The following PITPNM1 variants were observed in gnomAD, a reference collection of about 807,000 sequenced individuals.
PITPNM1 encodes the protein phosphatidylinositol transfer protein membrane associated 1.
In PITPNM1, 74 loss-of-function variants were observed where a neutral mutation model predicts 133.3. That is an observed-to-expected ratio of 0.56 (90% confidence interval 0.46 to 0.67). PITPNM1 has a LOEUF of 0.67. Ranked by LOEUF, PITPNM1 falls within the 30% of genes least tolerant of loss-of-function variation. The pLI, the probability that PITPNM1 is intolerant of heterozygous loss-of-function variation, is 0.00. For synonymous variants in PITPNM1, 738 were observed against 741.4 expected (o/e 1.00, Z 0.08); for missense variants, 1,398 against 1,739.5 (o/e 0.80, Z 3.49).
chr11:67,498,347 G>A lies in PITPNM1; in HGVS notation c.1485-25C>T. 1 of 1,522,988 alleles carries A rather than the reference G, an allele frequency of 6.6e-7. No individual in the cohort carries two copies. 94.3% of individuals were successfully genotyped at this position (1,522,988 alleles called of 1,614,324 possible). On this transcript the variant is annotated intron_variant, in intron 10 of 23. Coordinates refer to ENST00000356404, the MANE Select transcript of PITPNM1 (RefSeq NM_004910.3). The surrounding 1 kb of genome is among the most constrained non-coding windows in gnomAD (Gnocchi z 5.7). ...GCTGTAGGAGGGGGAAATGTGCGTG[G>A]GTGAGGGGCTTCCAGACCCACTCCT... is the stretch of plus-strand genomic sequence containing the variant.
At chr11:67,494,669 C>T (rs1423611021) in intron 18 of PITPNM1, among the ~76,000 whole-genome samples, 177 bp downstream of exon 18, 2 of 149,964 alleles carry the variant, frequency 1.3e-5, no homozygotes, top group Non-Finnish European at 1.5e-5. Flanking sequence ...CAGCGGTTCC[C>T]AGGGGCGGGG....
At chr11:67,500,505 A>G in intron 5 of PITPNM1, 84 bp from the exon 6 acceptor site, 1 of 1,393,528 alleles carries the variant, frequency 7.2e-7, no homozygotes, top group Non-Finnish European at 9.9e-7. Flanking sequence ...AGGTTGGATA[A>G]TGGCTCCCCT....
Position 67,498,070 on chromosome 11 carries a change from C to T in PITPNM1, c.1675-46G>A. 6.2e-7 allele frequency: 1 copy of T among 1,607,950 alleles called. No homozygotes were observed. Among genetic ancestry groups the T allele is most frequent in the Non-Finnish European group, 8.5e-7 (1 of 1,178,290 alleles). ...CATCAGGAGAGGCCTTGTCCTCACC[C>T]AGGCCAGACTACAGTGGGGGCTGCA... On this transcript the variant is annotated intron_variant, in intron 11 of 23. Transcript: ENST00000356404. The surrounding 1 kb of genome is among the most constrained non-coding windows in gnomAD (Gnocchi z 5.7).
chr11:67,495,307 C>A, intron 16 of PITPNM1, 82 bp from the exon 17 acceptor site: 13 of 1,486,292 alleles, frequency 8.7e-6, no homozygotes, highest in Non-Finnish European at 1.2e-5. Flanking sequence ...TCCCTCCCCC[C>A]TTTTCACCCA....
chr11:67,494,340 C>A lies in PITPNM1; in HGVS notation c.2763G>T (p.Arg921=), dbSNP rs1866035632. ...VKIRNVTSNH[R]ASDTVVCEGR... is the part of the protein sequence containing the mutation. ...CCTCGCACACCACCGTGTCGCTCGCCCGGTGGTTGGAAGTGACGTTCTAGA... is the reference window on the plus strand; with the variant it reads ...CCTCGCACACCACCGTGTCGCTCGCACGGTGGTTGGAAGTGACGTTCTAGA... The change falls in exon 19 of 24, where the codon CGG becomes CGT. Residue 921 remains arginine (R), a synonymous_variant. Coordinates refer to ENST00000356404, the MANE Select transcript of PITPNM1 (RefSeq NM_004910.3). 1.2e-6 allele frequency: 2 copies of A among 1,607,532 alleles called. No homozygotes were observed. The highest frequency in any genetic ancestry group is 1.7e-6 in the Non-Finnish European group (2 of 1,177,324).
At chr11:67,495,683 C>A in intron 15 of PITPNM1, 81 bp from the exon 16 acceptor site, 3 of 1,347,032 alleles carry the variant, frequency 2.2e-6, no homozygotes, top group Non-Finnish European at 3.0e-6. Flanking sequence ...CGCACCTCTG[C>A]CATCTTCCTG....
Position 67,493,551 on chromosome 11 carries a change from G to A in PITPNM1, c.3201C>T (p.Gly1067=). The A allele has an allele frequency of 6.4e-7, 1 of 1,568,944 alleles. No individual in the cohort carries two copies. The highest frequency in any genetic ancestry group is 8.6e-7 in the Non-Finnish European group (1 of 1,156,808). Residue 1067 remains glycine (G), a synonymous_variant, in exon 22 of 24, where the codon GGC becomes GGT. Transcript: ENST00000356404. ...DSGYLIVYVT[G]RPDMQKHRVV... is the part of the protein sequence containing the mutation. Reference sequence around the variant, plus strand: ...CGCGGTGCTTCTGCATATCCGGCCGGCCTGTGACATACACGATCAGGTAGC... The same window carrying A: ...CGCGGTGCTTCTGCATATCCGGCCGACCTGTGACATACACGATCAGGTAGC...
chr11:67,493,786 C>G lies in PITPNM1; in HGVS notation c.3060G>C (p.Thr1020=). The change falls in exon 21 of 24, where the codon ACG becomes ACC. Residue 1020 remains threonine (T), a synonymous_variant. Coordinates refer to ENST00000356404, the MANE Select transcript of PITPNM1 (RefSeq NM_004910.3). The part of the protein sequence containing the change: ...ECCLTVVARG[T]EAVVFSIDGS... Reference sequence around the variant, plus strand: ...CGTCGATGCTGAAGACCACAGCCTCCGTGCCGCGGGCCACCACAGTCAGGC... The same window carrying G: ...CGTCGATGCTGAAGACCACAGCCTCGGTGCCGCGGGCCACCACAGTCAGGC... The G allele has an allele frequency of 6.5e-7, 1 of 1,549,884 alleles. No homozygotes were observed. The highest frequency in any genetic ancestry group is 8.7e-7 in the Non-Finnish European group (1 of 1,147,782).
intron 5 of PITPNM1, 53 bp downstream of exon 5, chr11:67,501,809 A>G (rs1866328472): frequency 4.7e-6 from 7 of 1,480,756 alleles, no homozygotes; most frequent in Admixed American, 3.5e-5. Context: ...GGCCCTAAAC[A>G]TGGGGTCTGG....
At position 67,497,295 on chromosome 11, in the gene PITPNM1, G is replaced by A. The variant is rs376676460; in HGVS notation, c.2082C>T (p.Phe694=). ...ARLDFKVSGF[F]LFGSPLGLVL... is the part of the protein sequence containing the mutation. ...CCAGGCCCAGTGGGGAGCCGAAGAG[G>A]AAGAAGCCAGAGACCTTGAAGTCAA... Residue 694 remains phenylalanine, a synonymous_variant, in exon 14 of 24, where the codon TTC becomes TTT. Transcript: ENST00000356404. 9 of 1,612,622 alleles carry A rather than the reference G, an allele frequency of 5.6e-6. No individual in the cohort carries two copies. The highest frequency in any genetic ancestry group is 5.9e-6 in the Non-Finnish European group (7 of 1,179,676).
intron 5 of PITPNM1, 35 bp downstream of exon 5, chr11:67,501,827 T>G: frequency 6.3e-7 from 1 of 1,579,600 alleles, no homozygotes; most frequent in Non-Finnish European, 8.7e-7. Context: ...TGGGGCATGC[T>G]GGGTAAGTGG....
At chr11:67,499,441 C>T (rs944276287) in intron 8 of PITPNM1, among the ~76,000 whole-genome samples, 14 of 151,342 alleles carry the variant, frequency 9.3e-5, no homozygotes, top group Admixed American at 1.3e-4. Flanking sequence ...TGGCCCAAGT[C>T]CTCCAAAGCC....
intron 12 of PITPNM1, 61 bp downstream of exon 12, chr11:67,497,856 G>A: frequency 1.3e-6 from 2 of 1,532,100 alleles, no homozygotes; most frequent in South Asian, 2.3e-5. Flanking sequence ...CCAGGGGGCA[G>A]AGACCTAGAG....
chr11:67,496,606 T>A, intron 14 of PITPNM1: 1 of 478,122 alleles, frequency 2.1e-6, no homozygotes, highest in Non-Finnish European at 3.6e-6. Context: ...TCGAGACCAG[T>A]CTGGCCAACA....
chr11:67,494,162 C>T, intron 19 of PITPNM1, 82 bp downstream of exon 19: 4 of 1,573,204 alleles, frequency 2.5e-6, no homozygotes. Flanking sequence ...GGTCTAGGGG[C>T]ACAACCACCA....
Position 67,498,547 on chromosome 11 carries a change from C to A in PITPNM1, c.1484+49G>T. On this transcript the variant is annotated intron_variant, in intron 10 of 23. Coordinates refer to ENST00000356404, the MANE Select transcript of PITPNM1 (RefSeq NM_004910.3). This position sits in a 1 kb window ranked among gnomAD's most constrained non-coding sequence, Gnocchi z 5.7. ...CCCCTTCCCCGCTCCCTGCCCCGCTCCCTGGCCTGATCCTACGAGTTCCCT... is the reference window on the plus strand; with the variant it reads ...CCCCTTCCCCGCTCCCTGCCCCGCTACCTGGCCTGATCCTACGAGTTCCCT... 2 of 1,578,374 alleles carry A rather than the reference C, an allele frequency of 1.3e-6. No individual in the cohort carries two copies. The highest frequency in any genetic ancestry group is 1.7e-6 in the Non-Finnish European group (2 of 1,167,540).
intron 5 of PITPNM1, among the ~76,000 whole-genome samples, chr11:67,501,164 G>A (rs1455773808): frequency 6.6e-6 from 1 of 152,270 alleles, no homozygotes; most frequent in East Asian, 1.9e-4. Flanking sequence ...CCATGGGTCT[G>A]TGTGTCGCAA....
Position 67,494,922 on chromosome 11 carries a change from C to A in PITPNM1, c.2666G>T (p.Cys889Phe). ...CGGGCTGTAGATGGACGGCTCCTCG[C>A]ATTCCGCCAGCTGTGGCCGCTCCTT... is the stretch of plus-strand genomic sequence containing the variant. ...IEKERPQLAE[C>F]EEPSIYSPAF... Residue 889 changes from cysteine (C) to phenylalanine (F), a missense_variant, in exon 18 of 24, where the codon TGC (cysteine) becomes TTC (phenylalanine). Cys to Phe is a radical substitution (Grantham distance 205). Around this residue, in one of 5 missense-constraint regions of PITPNM1, gnomAD observed 574 missense variants for 698.7 expected, o/e 0.82. Transcript: ENST00000356404. 1.2e-6 allele frequency: 2 copies of A among 1,612,920 alleles called. No individual in the cohort carries two copies. The highest frequency in any genetic ancestry group is 8.5e-7 in the Non-Finnish European group (1 of 1,179,816).
chr11:67,494,610 G>A (rs1197023262), intron 18 of PITPNM1, among the ~76,000 whole-genome samples: 2 of 152,114 alleles, frequency 1.3e-5, no homozygotes, highest in Non-Finnish European at 2.9e-5. Context: ...GTGGGGACCA[G>A]CGCAGATCCA....
Sources: allele counts gnomAD v4.1 joint callset (sites outside exome capture counted in the v4.1 genomes callset), GRCh38; gene constraint gnomAD v4.1.1; regional missense constraint gnomAD v4.1.1; non-coding constraint Gnocchi (gnomAD v3.1); transcripts MANE v1.5; gene names NCBI Gene and HGNC (gene_info 2026-07-23, HGNC 2026-07-21).